CNTNAP2: variants seen among roughly 807,000 people sequenced by gnomAD.
CNTNAP2 encodes the protein contactin associated protein 2.
Under a neutral mutation model 155.2 loss-of-function variants are expected in CNTNAP2, and 98 were observed. That is an observed-to-expected ratio of 0.63 (90% confidence interval 0.54 to 0.75). The LOEUF is 0.75. CNTNAP2 is among the 30% of genes least tolerant of loss of function. The probability of loss-of-function intolerance (pLI) is 0.00; values close to 1 mark genes in which losing one functional copy is unlikely to be tolerated. For synonymous variants in CNTNAP2, 651 were observed against 631.2 expected (o/e 1.03, Z -0.47); for missense variants, 1,727 against 1,688.1 (o/e 1.02, Z -0.40).
chr7:146,491,951 G>A (rs1035824996), intron 1 of CNTNAP2, among the ~76,000 whole-genome samples: 1 of 151,892 alleles, frequency 6.6e-6, no homozygotes, highest in African/African-American at 2.4e-5. Flanking sequence ...AAAGATATGA[G>A]GATGCAAAAA....
chr7:146,167,615 TTTG>T (rs1229631899), intron 1 of CNTNAP2, among the ~76,000 whole-genome samples: 1 of 152,206 alleles, frequency 6.6e-6, no homozygotes, highest in African/African-American at 2.4e-5. Flanking sequence ...CAACTATATC[TTTG>T]TTGTTGCTTT....
intron 13 of CNTNAP2, among the ~76,000 whole-genome samples, chr7:147,752,103 C>G (rs985351222): frequency 1.3e-4 from 20 of 152,280 alleles, no homozygotes; most frequent in African/African-American, 4.8e-4. Context: ...AATTACTTAT[C>G]TAACTGATGA....
chr7:146,283,493 G>A (rs558282492), intron 1 of CNTNAP2, among the ~76,000 whole-genome samples: 7 of 152,176 alleles, frequency 4.6e-5, no homozygotes, highest in Non-Finnish European at 7.4e-5. Context: ...TCAGCCTCCC[G>A]AGTAGCAGGG....
At chr7:147,143,608 A>G (rs1028699529) in intron 8 of CNTNAP2, among the ~76,000 whole-genome samples, 1 of 152,150 alleles carries the variant, frequency 6.6e-6, no homozygotes, top group African/African-American at 2.4e-5. Flanking sequence ...GTTATAAACT[A>G]TAACTTTACA....
chr7:146,229,469 C>A (rs769379971), intron 1 of CNTNAP2, among the ~76,000 whole-genome samples: 1 of 152,174 alleles, frequency 6.6e-6, no homozygotes, highest in Non-Finnish European at 1.5e-5. Flanking sequence ...TGAATAAGGA[C>A]GGCCTAATCC....
intron 3 of CNTNAP2, among the ~76,000 whole-genome samples, chr7:146,972,439 A>T (rs1457572862): frequency 6.6e-6 from 1 of 152,212 alleles, no homozygotes; most frequent in East Asian, 1.9e-4. Context: ...AATGAATACA[A>T]TTTTCAAGTA....
At chr7:147,112,036 C>G (rs557617913) in intron 5 of CNTNAP2, among the ~76,000 whole-genome samples, 3 of 152,232 alleles carry the variant, frequency 2.0e-5, no homozygotes, top group African/African-American at 7.2e-5. Context: ...TTATTTGTGT[C>G]ATCTCTGATT....
chr7:148,264,916 A>G (rs1796640232), intron 20 of CNTNAP2, among the ~76,000 whole-genome samples: 2 of 152,050 alleles, frequency 1.3e-5, no homozygotes, highest in African/African-American at 4.8e-5. Flanking sequence ...GATGGTCTCG[A>G]TCTCTTGATC....
intron 1 of CNTNAP2, among the ~76,000 whole-genome samples, chr7:146,479,772 A>G (rs758483586): frequency 1.3e-5 from 2 of 151,920 alleles, no homozygotes; most frequent in Non-Finnish European, 2.9e-5. Flanking sequence ...ATAGCTCCAT[A>G]TATTTTATTT....
chr7:147,768,438 G>T (rs1797416595), intron 13 of CNTNAP2, among the ~76,000 whole-genome samples: 1 of 152,034 alleles, frequency 6.6e-6, no homozygotes, highest in African/African-American at 2.4e-5. Context: ...CTATATTAGT[G>T]CTTAGAGCAT....
intron 10 of CNTNAP2, among the ~76,000 whole-genome samples, chr7:147,470,763 G>A (rs1253275614): frequency 3.9e-5 from 6 of 152,128 alleles, no homozygotes; most frequent in Non-Finnish European, 5.9e-5. Flanking sequence ...ATTTTGAGGT[G>A]TCTAGTAGAT....
At chr7:147,258,017 T>C (rs879519779) in intron 8 of CNTNAP2, among the ~76,000 whole-genome samples, 2 of 152,136 alleles carry the variant, frequency 1.3e-5, no homozygotes, top group Non-Finnish European at 2.9e-5. Flanking sequence ...ATGGGTGACA[T>C]ACAAGGATGA....
At chr7:146,779,866 A>G (rs1483583215) in intron 2 of CNTNAP2, among the ~76,000 whole-genome samples, 1 of 152,216 alleles carries the variant, frequency 6.6e-6, no homozygotes, top group East Asian at 1.9e-4. Flanking sequence ...CACATAATTA[A>G]TAATCACTTA....
At chr7:147,365,838 T>C (rs1020949832) in intron 9 of CNTNAP2, among the ~76,000 whole-genome samples, 17 of 152,246 alleles carry the variant, frequency 1.1e-4, no homozygotes, top group Admixed American at 1.0e-3. Context: ...GAATTTCCTC[T>C]ACTTAATGTT....
intron 21 of CNTNAP2, among the ~76,000 whole-genome samples, chr7:148,279,692 T>C (rs957356334): frequency 3.3e-5 from 5 of 152,172 alleles, no homozygotes; most frequent in African/African-American, 1.2e-4. Flanking sequence ...AGGACATTGA[T>C]CGTTACTGGG....
intron 1 of CNTNAP2, among the ~76,000 whole-genome samples, chr7:146,623,747 G>A (rs532412418): frequency 6.6e-6 from 1 of 152,084 alleles, no homozygotes; most frequent in South Asian, 2.1e-4. Flanking sequence ...TTTCAATTCA[G>A]TTGAGTAAAT....
intron 13 of CNTNAP2, among the ~76,000 whole-genome samples, chr7:147,706,903 C>T (rs551248004): frequency 6.6e-6 from 1 of 152,176 alleles, no homozygotes; most frequent in African/African-American, 2.4e-5. Context: ...TCTTCTCTTT[C>T]ATCTAATATA....
At chr7:147,057,362 G>A (rs758678) in intron 4 of CNTNAP2, among the ~76,000 whole-genome samples, 9,826 of 151,962 alleles carry the variant, frequency 0.065, 419 homozygotes, top group Middle Eastern at 0.13. Flanking sequence ...AAATTATGCT[G>A]CTCTTTCTCT....
At chr7:146,423,663 T>C (rs1444801884) in intron 1 of CNTNAP2, among the ~76,000 whole-genome samples, 15 of 152,346 alleles carry the variant, frequency 9.8e-5, no homozygotes, top group Admixed American at 9.8e-4. Flanking sequence ...CTCTGCGTCA[T>C]GCAGATTGGC....
Sources: gnomAD v4.1 joint callset for allele counts (sites outside exome capture counted in the v4.1 genomes callset) on GRCh38, gnomAD v4.1.1 for gene constraint, MANE v1.5 for transcripts, NCBI Gene and HGNC (gene_info 2026-07-23, HGNC 2026-07-21) for gene names.